Variants in MBD2 observed in about 807,000 individuals in gnomAD.
MBD2 encodes methyl-CpG binding domain protein 2.
MBD2 carries 9 observed loss-of-function variants against 39.3 expected under a neutral mutation model. The observed-to-expected ratio is 0.23, with a 90% CI of 0.14 to 0.40. The LOEUF (loss-of-function observed/expected upper bound fraction) is 0.40, where lower values mean the gene tolerates loss of function less well. Ranked by LOEUF, MBD2 falls within the 10% of genes least tolerant of loss-of-function variation. MBD2 has a pLI of 1.00. For synonymous variants in MBD2, 233 were observed against 211.1 expected, an observed-to-expected ratio of 1.10 and a Z score of -0.90; for missense variants, 458 against 532.6, an observed-to-expected ratio of 0.86 and a Z score of 1.38.
intron 1 of MBD2, among the ~76,000 whole-genome samples, chr18:54,214,693 G>A (rs552066616): frequency 1.6e-3 from 237 of 151,340 alleles, no homozygotes; most frequent in African/African-American, 5.6e-3. Flanking sequence ...CACATGGCAA[G>A]CACATTTAAT....
At position 54,152,380 on chromosome 18, in the gene MBD2, G is replaced by T. The variant is rs1376437685; in HGVS notation, c.*2944C>A. The T allele has an allele frequency of 6.6e-6, 1 of 152,268 alleles. No individual in the cohort carries two copies. Among genetic ancestry groups the T allele is most frequent in the Admixed American group, 6.5e-5 (1 of 15,278 alleles). 9.4% of individuals were successfully genotyped at this position (152,268 alleles called of 1,614,324 possible). On this transcript the variant is annotated 3_prime_UTR_variant, in exon 7 of 7. Coordinates refer to ENST00000256429, the MANE Select transcript of MBD2 (RefSeq NM_003927.5). ...CAGTGAGGAATAGTGGCAGCATGAG[G>T]CCAGACAGACAAGCAGGGATCAGAT...
chr18:54,218,381 A>G (rs983489832), intron 1 of MBD2, among the ~76,000 whole-genome samples: 2 of 152,210 alleles, frequency 1.3e-5, no homozygotes, highest in Non-Finnish European at 2.9e-5. Flanking sequence ...TTACCCTTTG[A>G]CATCTTCAGG....
In MBD2 at chr18:54,224,662, A is replaced by G. The variant is rs1364611718; in HGVS notation, c.-103T>C. On this transcript the variant is annotated 5_prime_UTR_variant, in exon 1 of 7. Coordinates refer to ENST00000256429, the MANE Select transcript of MBD2 (RefSeq NM_003927.5). The stretch of plus-strand genomic sequence containing the variant: ...GCGCGGCGCGCGGGGGACGCGCGCA[A>G]GCATCATAGAGCGGGCGCGCACAGA... 2.4e-6 allele frequency: 2 copies of G among 845,382 alleles called. No individual in the cohort carries two copies. Among genetic ancestry groups the G allele is most frequent in the African/African-American group, 1.8e-5 (1 of 56,856 alleles). The allele number at this position is 845,382 out of a possible 1,614,324, so 52.4% of individuals were successfully genotyped here.
chr18:54,219,791 G>GCA (rs140807896), intron 1 of MBD2, among the ~76,000 whole-genome samples: 3,203 of 151,276 alleles, frequency 0.021, 97 homozygotes, highest in African/African-American at 0.071. Context: ...GCAACAAATG[G>GCA]CACACACACA....
At chr18:54,181,029 G>A (rs2086248690) in intron 3 of MBD2, among the ~76,000 whole-genome samples, 1 of 151,016 alleles carries the variant, frequency 6.6e-6, no homozygotes, top group Non-Finnish European at 1.5e-5. Context: ...CCCAAGCTGG[G>A]ACTACAGGCA....
chr18:54,208,971 A>G (rs1007582369), intron 1 of MBD2, among the ~76,000 whole-genome samples: 12 of 152,180 alleles, frequency 7.9e-5, no homozygotes, highest in African/African-American at 2.4e-4. Context: ...ACACGGCTTC[A>G]TATTATTTCT....
At chr18:54,212,295 A>T (rs1225709529) in intron 1 of MBD2, among the ~76,000 whole-genome samples, 1 of 152,088 alleles carries the variant, frequency 6.6e-6, no homozygotes, top group East Asian at 1.9e-4. Flanking sequence ...CAAAGCCTTC[A>T]CAGAACCCAG....
rs558742126 is a variant in MBD2, at chr18:54,224,505, T to C, written c.55A>G (p.Ser19Gly). The change falls in exon 1 of 7, where the codon AGT becomes GGT. Residue 19 changes from serine (S) to glycine (G), a missense_variant. By Grantham distance (56) the Ser-to-Gly change is moderately conservative. Coordinates refer to ENST00000256429, the MANE Select transcript of MBD2 (RefSeq NM_003927.5). Reference protein sequence around the residue: ...RCCPEQEEGESAAGGSGAGGD... With the variant: ...RCCPEQEEGEGAAGGSGAGGD... ...CCAGCGCCGCTGCCGCCCGCCGCAC[T>C]CTCCCCCTCCTCCTGCTCCGGGCAG... is the stretch of plus-strand genomic sequence containing the variant. 4.9e-6 allele frequency: 6 copies of C among 1,227,288 alleles called. No individual in the cohort carries two copies. In the South Asian group the frequency reaches 1.9e-4, roughly 40 times the overall value. 76.0% of individuals were successfully genotyped at this position (1,227,288 alleles called of 1,614,324 possible).
chr18:54,189,118 C>A, intron 2 of MBD2, 107 bp from the exon 3 acceptor site: 1 of 703,872 alleles, frequency 1.4e-6, no homozygotes, highest in Non-Finnish European at 2.2e-6. Context: ...TTCCAAACTT[C>A]TCAGTCTATC....
chr18:54,187,862 G>A, intron 3 of MBD2: 1 of 985,690 alleles, frequency 1.0e-6, no homozygotes, highest in Non-Finnish European at 1.2e-6. Flanking sequence ...ACACTACAGA[G>A]GATGTGGGAA....
chr18:54,207,377 G>A (rs1275640842), intron 1 of MBD2, among the ~76,000 whole-genome samples: 1 of 152,130 alleles, frequency 6.6e-6, no homozygotes, highest in Non-Finnish European at 1.5e-5. Flanking sequence ...ATTCAAGTCA[G>A]AAATAATCTA....
Position 54,163,676 on chromosome 18 carries a change from G to C in MBD2, c.1109+847C>G, listed in dbSNP as rs117338151. Reference sequence around the variant, plus strand: ...TTAGAAAGAGTGAAAGATGTCAGTAGACATAGTTTGTGTCTTGTCTCATTC... The same window carrying C: ...TTAGAAAGAGTGAAAGATGTCAGTACACATAGTTTGTGTCTTGTCTCATTC... On this transcript the variant is annotated intron_variant, in intron 5 of 6. Transcript: ENST00000256429. Among the ~76,000 whole-genome samples the C allele has an allele frequency of 6.8e-3, 1,031 of 152,212 alleles. 5 individuals carry two copies. The highest frequency in any genetic ancestry group is 0.01 in the Non-Finnish European group (712 of 68,004).
Position 54,153,869 on chromosome 18 carries a change from G to C in MBD2, c.*1455C>G, listed in dbSNP as rs1397292575. ...GTTGAGCGTAAATCAGGAATTCCAA[G>C]AAGTATTTATGTAGTTTGGCATAAA... is the stretch of plus-strand genomic sequence containing the variant. On this transcript the variant is annotated 3_prime_UTR_variant, in exon 7 of 7. Coordinates refer to ENST00000256429, the MANE Select transcript of MBD2 (RefSeq NM_003927.5). 1 of 152,232 alleles carries C rather than the reference G, an allele frequency of 6.6e-6. No homozygotes were observed. The highest frequency in any genetic ancestry group is 2.4e-5 in the African/African-American group (1 of 41,424). 9.4% of individuals were successfully genotyped at this position (152,232 alleles called of 1,614,324 possible).
At chr18:54,163,023 C>T (rs1341963089) in intron 5 of MBD2, among the ~76,000 whole-genome samples, 2 of 152,090 alleles carry the variant, frequency 1.3e-5, no homozygotes, top group African/African-American at 2.4e-5. Flanking sequence ...ACCTGTATCC[C>T]AGCACTTTGG....
At chr18:54,220,864 C>T (rs1384194101) in intron 1 of MBD2, among the ~76,000 whole-genome samples, 3 of 152,198 alleles carry the variant, frequency 2.0e-5, no homozygotes, top group Non-Finnish European at 4.4e-5. Context: ...GCTACATACA[C>T]CTTACTGACT....
In MBD2 at chr18:54,159,837, C is replaced by T; in HGVS notation, c.1176G>A (p.Leu392=). ...KLEEALMADI[L]SRAADTEEMD... ...TCTCTTCTGTATCAGCAGCTCGCGA[C>T]AAGATGTCTGCCATCAGTGCTTCTT... Residue 392 remains leucine (L), a synonymous_variant, in exon 6 of 7, where the codon TTG becomes TTA. Coordinates refer to ENST00000256429, the MANE Select transcript of MBD2 (RefSeq NM_003927.5). The T allele has an allele frequency of 6.2e-7, 1 of 1,612,932 alleles. No homozygotes were observed. The highest frequency in any genetic ancestry group is 8.5e-7 in the Non-Finnish European group (1 of 1,180,008).
chr18:54,168,647 G>GTT (rs2086155950), intron 3 of MBD2, among the ~76,000 whole-genome samples: 1 of 137,490 alleles, frequency 7.3e-6, no homozygotes, highest in Admixed American at 7.0e-5. Context: ...GTGTGTGTGT[G>GTT]TGTGTGTGTG....
intron 1 of MBD2, among the ~76,000 whole-genome samples, chr18:54,211,409 A>ACG (rs936220977): frequency 8.6e-5 from 13 of 151,616 alleles, no homozygotes; most frequent in African/African-American, 3.1e-4. Context: ...ACACACACAC[A>ACG]CACACGCACA....
At chr18:54,201,937 T>C (rs540920153) in intron 2 of MBD2, among the ~76,000 whole-genome samples, 217 of 152,220 alleles carry the variant, frequency 1.4e-3, no homozygotes, top group African/African-American at 4.7e-3. Context: ...ACCTCTGATA[T>C]GGAAAACATG....
Sources: gnomAD v4.1 joint callset for allele counts (sites outside exome capture counted in the v4.1 genomes callset) on GRCh38, gnomAD v4.1.1 for gene constraint, MANE v1.5 for transcripts, NCBI Gene and HGNC (gene_info 2026-07-23, HGNC 2026-07-21) for gene names.